NHSL1: variants seen among roughly 807,000 people sequenced by gnomAD.
NHSL1 encodes the protein NHS like 1.
NHSL1 carries 48 observed loss-of-function variants against 95.0 expected under a neutral mutation model. The observed-to-expected ratio is 0.51, with a 90% CI of 0.40 to 0.64. The LOEUF is 0.64. NHSL1 is among the 30% of genes least tolerant of loss of function. NHSL1 has a pLI of 0.00. For missense variants in NHSL1, 1,971 were observed against 2,077.7 expected (o/e 0.95, Z 1.00); for synonymous variants, 783 against 833.9 (o/e 0.94, Z 1.05).
rs541334477 is a variant in NHSL1, at chr6:138,580,390, T to C, written c.97-84019A>G. On this transcript the variant is annotated intron_variant, in intron 1 of 3. Coordinates refer to the NHSL1 transcript ENST00000491526. Reference sequence around the variant, plus strand: ...AAGTAGTAGGCCTGAGTCAAGCCTCTGGGCTTGAGTAATTTCTTCGGGATG... The same window carrying C: ...AAGTAGTAGGCCTGAGTCAAGCCTCCGGGCTTGAGTAATTTCTTCGGGATG... Among the ~76,000 whole-genome samples the C allele has an allele frequency of 2.6e-5, 4 of 152,344 alleles. No individual in the cohort carries two copies. In the South Asian group the frequency reaches 6.2e-4, roughly 24 times the overall value.
chr6:138,466,048 G>T (rs889247906), intron 3 of NHSL1, among the ~76,000 whole-genome samples: 1 of 139,346 alleles, frequency 7.2e-6, no homozygotes, highest in South Asian at 2.3e-4. Flanking sequence ...TTTTGGGGGG[G>T]GGGCAGGGGG....
chr6:138,459,240 T>C lies in NHSL1; in HGVS notation c.340-12047A>G, dbSNP rs192417818. Among the ~76,000 whole-genome samples the C allele has an allele frequency of 1.3e-3, 191 of 152,220 alleles. 1 individual carries two copies. The highest frequency in any genetic ancestry group is 4.5e-3 in the African/African-American group (187 of 41,548). On this transcript the variant is annotated intron_variant, in intron 3 of 7. Transcript: ENST00000343505. The stretch of plus-strand genomic sequence containing the variant: ...TGACCTCAGGTGATCCACCCAACTT[T>C]GCCTCCCAAAGTGCTGGTATTACAG...
intron 1 of NHSL1, among the ~76,000 whole-genome samples, chr6:138,623,111 T>C (rs1784687896): frequency 1.3e-5 from 2 of 152,186 alleles, no homozygotes; most frequent in South Asian, 2.1e-4. Context: ...GGTGTGCAAT[T>C]TGGATTTGCA....
At chr6:138,438,665 T>C (rs549266875) in intron 5 of NHSL1, among the ~76,000 whole-genome samples, 10 of 152,248 alleles carry the variant, frequency 6.6e-5, no homozygotes, top group African/African-American at 2.4e-4. Context: ...CTTTTATTAA[T>C]AATATTTTGA....
At chr6:138,458,813 C>T (rs1288086427) in intron 3 of NHSL1, among the ~76,000 whole-genome samples, 42 of 127,630 alleles carry the variant, frequency 3.3e-4, no homozygotes, top group Admixed American at 1.9e-3. Context: ...CAACAGAGTA[C>T]GTGAAAATCT....
chr6:138,622,180 T>G (rs1255485829), intron 1 of NHSL1, among the ~76,000 whole-genome samples: 2 of 152,106 alleles, frequency 1.3e-5, no homozygotes, highest in Admixed American at 6.6e-5. Flanking sequence ...GGGAATGATA[T>G]GAAGAAGAAG....
rs552879039 is a variant in NHSL1, at chr6:138,424,250, G to A, written c.4652C>T (p.Ser1551Phe). 39 of 1,505,784 alleles carry A rather than the reference G, an allele frequency of 2.6e-5. No individual in the cohort carries two copies. The East Asian group carries it at 8.4e-4, about 32-fold the overall frequency. The allele number at this position is 1,505,784 out of a possible 1,614,324, so 93.3% of individuals were successfully genotyped here. A position where few individuals can be genotyped will look rare whatever the true frequency, so the allele number is the denominator to read the frequency against. ...CTCCTCCCTCGCCAGTCCGTCCAGGGAACATCCCTCCGCAGCGCCCAGAGC... is the reference window on the plus strand; with the variant it reads ...CTCCTCCCTCGCCAGTCCGTCCAGGAAACATCCCTCCGCAGCGCCCAGAGC... ...RGALGAAEGC[S>F]LDGLAREEMD... Residue 1551 changes from serine to phenylalanine, a missense_variant, in exon 8 of 8, where the codon TCC (serine) becomes TTC (phenylalanine). By Grantham distance (155) the Ser-to-Phe change is radical. Coordinates refer to ENST00000343505, the MANE Select transcript of NHSL1 (RefSeq NM_001144060.2). The surrounding 1 kb of genome is among the most constrained non-coding windows in gnomAD (Gnocchi z 5.9).
At chr6:138,675,155 G>A (rs760289667) in intron 1 of NHSL1, among the ~76,000 whole-genome samples, 1 of 152,068 alleles carries the variant, frequency 6.6e-6, no homozygotes, top group African/African-American at 2.4e-5. Flanking sequence ...CCAATTGCCT[G>A]ACAATGGATC....
Position 138,673,674 on chromosome 6 carries a change from C to T in NHSL1, c.96+18802G>A, listed in dbSNP as rs115982165. On this transcript the variant is annotated intron_variant, in intron 1 of 3. Transcript: ENST00000491526. ...ATTACTTAATTCCTTCCAAGAAACT[C>T]CTTCTGGAACATAAATTGTTAAGAC... Among the ~76,000 whole-genome samples the T allele has an allele frequency of 4.2e-3, 636 of 152,246 alleles. 8 individuals are homozygous for T. Among genetic ancestry groups the T allele is most frequent in the African/African-American group, 0.014 (566 of 41,538 alleles).
Position 138,432,206 on chromosome 6 carries a change from T to C in NHSL1, c.2139A>G (p.Pro713=), listed in dbSNP as rs1775738630. ...TLQHSLQLSL[P]GKSGSSPSQS... The stretch of plus-strand genomic sequence containing the variant: ...GGGAGGGCGAGCTGCCACTCTTGCC[T>C]GGGAGGCTCAGCTGCAGCGAGTGCT... The change falls in exon 6 of 8, where the codon CCA becomes CCG. Residue 713 remains proline (P), a synonymous_variant. Transcript: ENST00000343505. The surrounding 1 kb of genome is among the most constrained non-coding windows in gnomAD (Gnocchi z 4.4). The C allele has an allele frequency of 6.5e-7, 1 of 1,546,694 alleles. No homozygotes were observed. The highest frequency in any genetic ancestry group is 1.4e-5 in the African/African-American group (1 of 73,032).
chr6:138,561,465 A>G (rs924449473), intron 1 of NHSL1, among the ~76,000 whole-genome samples: 9 of 152,292 alleles, frequency 5.9e-5, no homozygotes, highest in Admixed American at 5.9e-4. Flanking sequence ...ATGAAAATGG[A>G]AAAGTAGAGT....
intron 3 of NHSL1, chr6:138,464,314 C>T (rs1237561803): frequency 1.4e-5 from 9 of 645,560 alleles, no homozygotes; most frequent in African/African-American, 3.7e-5. Flanking sequence ...GGGCCCTCAG[C>T]GCCACACTCC....
intron 1 of NHSL1, among the ~76,000 whole-genome samples, chr6:138,600,608 T>C (rs1784358782): frequency 6.6e-6 from 1 of 152,238 alleles, no homozygotes; most frequent in South Asian, 2.1e-4. Context: ...GTTTAAGCCA[T>C]TTGTTTTTCA....
intron 2 of NHSL1, among the ~76,000 whole-genome samples, chr6:138,490,162 A>T (rs1014860111): frequency 2.6e-5 from 4 of 151,864 alleles, no homozygotes; most frequent in Non-Finnish European, 4.4e-5. Context: ...TTTTTTTTAA[A>T]GTTACAGAAA....
intron 1 of NHSL1, among the ~76,000 whole-genome samples, chr6:138,629,305 G>A (rs148340545): frequency 3.5e-4 from 54 of 152,196 alleles, no homozygotes; most frequent in South Asian, 1.5e-3. Flanking sequence ...TTTCAATGAC[G>A]GTCATATCCT....
At position 138,431,435 on chromosome 6, in the gene NHSL1, C is replaced by G; in HGVS notation, c.2910G>C (p.Val970=). The change falls in exon 6 of 8, where the codon GTG becomes GTC. Residue 970 remains valine, a synonymous_variant. Coordinates refer to ENST00000343505, the MANE Select transcript of NHSL1 (RefSeq NM_001144060.2). This position sits in a 1 kb window ranked among gnomAD's most constrained non-coding sequence, Gnocchi z 4.0. ...SQGSPLPHSP[V]FPPPPPEALI... The stretch of plus-strand genomic sequence containing the variant: ...GAGCTTCTGGCGGCGGAGGGGGGAA[C>G]ACAGGAGAGTGAGGCAGAGGAGAGC... The G allele has an allele frequency of 1.3e-6, 2 of 1,550,274 alleles. No homozygotes were observed. The highest frequency in any genetic ancestry group is 8.7e-7 in the Non-Finnish European group (1 of 1,146,828).
chr6:138,457,017 A>G (rs1777657442), intron 3 of NHSL1, among the ~76,000 whole-genome samples: 1 of 151,852 alleles, frequency 6.6e-6, no homozygotes, highest in African/African-American at 2.4e-5. Flanking sequence ...AGTAGCTGGG[A>G]CTACAGGTGC....
chr6:138,429,255 A>G (rs900171922), intron 7 of NHSL1, among the ~76,000 whole-genome samples: 1 of 152,240 alleles, frequency 6.6e-6, no homozygotes, highest in African/African-American at 2.4e-5. Context: ...ATTGCTCTGT[A>G]TAACTGTGGT....
intron 1 of NHSL1, among the ~76,000 whole-genome samples, chr6:138,676,836 G>A (rs1427775379): frequency 6.6e-6 from 1 of 152,130 alleles, no homozygotes; most frequent in Non-Finnish European, 1.5e-5. Context: ...TGTATTTTTA[G>A]TAGAGACGAG....
Sources: gnomAD v4.1 joint callset for allele counts (sites outside exome capture counted in the v4.1 genomes callset) on GRCh38, gnomAD v4.1.1 for gene constraint, Gnocchi (gnomAD v3.1) non-coding constraint, MANE v1.5 for transcripts, NCBI Gene and HGNC (gene_info 2026-07-23, HGNC 2026-07-21) for gene names.